Variants in MKLN1 observed in about 807,000 individuals in gnomAD.
The protein encoded by MKLN1 is muskelin 1, also known as muskelin.
A neutral mutation model predicts 99.0 loss-of-function variants in MKLN1; 18 were observed. That is an observed-to-expected ratio of 0.18 (90% CI 0.13 to 0.27). The LOEUF is 0.27. Ranked by LOEUF, MKLN1 falls within the 10% of genes least tolerant of loss-of-function variation. MKLN1 has a pLI of 1.00. For missense variants in MKLN1, 621 were observed against 875.9 expected (o/e 0.71, Z 3.67); for synonymous variants, 288 against 293.2 (o/e 0.98, Z 0.18).
intron 3 of MKLN1, among the ~76,000 whole-genome samples, chr7:131,281,011 T>C (rs1798042453): frequency 6.6e-6 from 1 of 152,238 alleles, no homozygotes; most frequent in Non-Finnish European, 1.5e-5. Flanking sequence ...TTCACTTTCT[T>C]GATGGTGTTA....
At chr7:131,398,651 G>T (rs910406914) in intron 5 of MKLN1, among the ~76,000 whole-genome samples, 4 of 151,414 alleles carry the variant, frequency 2.6e-5, no homozygotes, top group African/African-American at 7.3e-5. Flanking sequence ...AGATTATGCC[G>T]CTACAGTCCA....
chr7:131,396,478 A>G (rs1794364223), intron 4 of MKLN1, among the ~76,000 whole-genome samples: 1 of 152,140 alleles, frequency 6.6e-6, no homozygotes, highest in African/African-American at 2.4e-5. Flanking sequence ...CTAATTAGTG[A>G]CAAATAGTAG....
rs767519067 is a variant in MKLN1, at chr7:131,443,754, A to T, written c.1395+52A>T. ...ATGTTATTTTGTCATGTATATCTAG[A>T]TAGGAAAAGAAGTGGTGAAATCTAA... On this transcript the variant is annotated intron_variant, in intron 11 of 17. Transcript: ENST00000352689. 1.3e-5 allele frequency: 17 copies of T among 1,304,902 alleles called. No homozygotes were observed. The East Asian group carries it at 3.9e-4, about 30-fold the overall frequency. 80.8% of individuals were successfully genotyped at this position (1,304,902 alleles called of 1,614,324 possible). A position where few individuals can be genotyped will look rare whatever the true frequency, so the allele number is the denominator to read the frequency against.
chr7:131,430,891 G>C (rs955770565), intron 9 of MKLN1, among the ~76,000 whole-genome samples: 3 of 152,202 alleles, frequency 2.0e-5, no homozygotes, highest in Admixed American at 6.5e-5. Flanking sequence ...CAGTGTCATT[G>C]CCTCCAGCCT....
At chr7:131,205,892 C>CTTTT (rs35341245) in intron 3 of MKLN1, among the ~76,000 whole-genome samples, 2 of 137,520 alleles carry the variant, frequency 1.5e-5, no homozygotes, top group African/African-American at 2.7e-5. Context: ...CTGAGAAAAA[C>CTTTT]TTTTTTTTTT....
In MKLN1 at chr7:131,493,408, A is replaced by G. The variant is rs1797475109; in HGVS notation, c.*5680A>G. 1 of 152,220 alleles carries G rather than the reference A, an allele frequency of 6.6e-6. No individual in the cohort carries two copies. Among genetic ancestry groups the G allele is most frequent in the Non-Finnish European group, 1.5e-5 (1 of 68,048 alleles). The allele number at this position is 152,220 out of a possible 1,614,324, so 9.4% of individuals were successfully genotyped here. A position where few individuals can be genotyped will look rare whatever the true frequency, so the allele number is the denominator to read the frequency against. Reference sequence around the variant, plus strand: ...TTTAGAGGTCCACAAATCGAAAGGAAAAATAAATTTCTTCATTTCTAACCC... The same window carrying G: ...TTTAGAGGTCCACAAATCGAAAGGAGAAATAAATTTCTTCATTTCTAACCC... On this transcript the variant is annotated 3_prime_UTR_variant, in exon 18 of 18. Coordinates refer to ENST00000352689, the MANE Select transcript of MKLN1 (RefSeq NM_013255.5).
chr7:131,201,965 G>A (rs1269096576), intron 2 of MKLN1, among the ~76,000 whole-genome samples: 3 of 152,050 alleles, frequency 2.0e-5, no homozygotes, highest in African/African-American at 7.2e-5. Context: ...ATGTACTTAT[G>A]TATTCAAAAG....
intron 3 of MKLN1, among the ~76,000 whole-genome samples, chr7:131,308,822 T>C (rs142278040): frequency 6.6e-6 from 1 of 152,226 alleles, no homozygotes; most frequent in Non-Finnish European, 1.5e-5. Context: ...CAACCTCAGG[T>C]GATCCACCCA....
chr7:131,352,697 TTTC>T (rs1335368378), intron 1 of MKLN1, among the ~76,000 whole-genome samples: 1 of 152,192 alleles, frequency 6.6e-6, no homozygotes, highest in African/African-American at 2.4e-5. Flanking sequence ...GTTAGACTGT[TTTC>T]TACTGAAGAT....
intron 1 of MKLN1, among the ~76,000 whole-genome samples, chr7:131,337,054 C>T (rs1243850266): frequency 6.6e-6 from 1 of 152,134 alleles, no homozygotes; most frequent in African/African-American, 2.4e-5. Flanking sequence ...TGTCTTCTAG[C>T]TTCCATTGTT....
intron 15 of MKLN1, among the ~76,000 whole-genome samples, chr7:131,467,980 G>A (rs1463542312): frequency 1.3e-5 from 2 of 152,202 alleles, no homozygotes; most frequent in African/African-American, 4.8e-5. Flanking sequence ...TGACATTACA[G>A]TTGTGAGTCA....
chr7:131,142,485 C>T (rs1795750741), intron 1 of MKLN1, among the ~76,000 whole-genome samples: 1 of 151,688 alleles, frequency 6.6e-6, no homozygotes, highest in African/African-American at 2.4e-5. Flanking sequence ...CCTGTAATCC[C>T]AGCACTTTGG....
At chr7:131,475,071 C>A (rs932793605) in intron 16 of MKLN1, among the ~76,000 whole-genome samples, 5 of 152,110 alleles carry the variant, frequency 3.3e-5, no homozygotes, top group African/African-American at 1.2e-4. Flanking sequence ...CCCCACCAAA[C>A]CCCTCCCCCA....
chr7:131,202,110 A>G (rs1563250790), intron 2 of MKLN1, among the ~76,000 whole-genome samples: 2 of 133,042 alleles, frequency 1.5e-5, no homozygotes, highest in African/African-American at 5.6e-5. Flanking sequence ...TAACTAATAT[A>G]TCTTTTTCGG....
intron 2 of MKLN1, among the ~76,000 whole-genome samples, chr7:131,192,156 T>C (rs1284123431): frequency 8.6e-6 from 1 of 116,654 alleles, no homozygotes; most frequent in African/African-American, 3.8e-5. Context: ...TATATATACA[T>C]ATATACTTAT....
chr7:131,291,373 C>T (rs1027544458), intron 3 of MKLN1, among the ~76,000 whole-genome samples: 2 of 151,294 alleles, frequency 1.3e-5, no homozygotes, highest in Non-Finnish European at 2.9e-5. Flanking sequence ...TCAGGTGATC[C>T]ACCCGCCTCA....
At chr7:131,410,925 CT>C (rs1044791943) in intron 6 of MKLN1, among the ~76,000 whole-genome samples, 3 of 151,892 alleles carry the variant, frequency 2.0e-5, no homozygotes, top group Admixed American at 6.6e-5. Flanking sequence ...TGTCTTATGA[CT>C]TTTTTTCCCC....
At chr7:131,242,699 C>T (rs1797423451) in intron 3 of MKLN1, 1 of 666,964 alleles carries the variant, frequency 1.5e-6, no homozygotes, top group Admixed American at 1.9e-5. Flanking sequence ...CCTTAGATCG[C>T]CCCTACAGCC....
chr7:131,482,718 T>C (rs1321645392), intron 17 of MKLN1, among the ~76,000 whole-genome samples: 1 of 152,164 alleles, frequency 6.6e-6, no homozygotes, highest in East Asian at 1.9e-4. Context: ...AAATTACTCC[T>C]AATAGGTCAC....
Sources: allele counts gnomAD v4.1 joint callset (sites outside exome capture counted in the v4.1 genomes callset), GRCh38; gene constraint gnomAD v4.1.1; transcripts MANE v1.5; gene names NCBI Gene and HGNC (gene_info 2026-07-23, HGNC 2026-07-21).